GSE1: variants seen among roughly 807,000 people sequenced by gnomAD.
GSE1 encodes Gse1 coiled-coil protein.
GSE1 carries 32 observed loss-of-function variants against 112.6 expected under a neutral mutation model. The ratio of observed to expected loss-of-function variants is 0.28; its 90% confidence interval spans 0.21 to 0.38. The LOEUF is 0.38. Ranked by LOEUF, GSE1 falls within the 10% of genes least tolerant of loss-of-function variation. The pLI is 1.00. For missense variants in GSE1, 2,348 were observed against 1,699.2 expected (o/e 1.38, Z -6.71); for synonymous variants, 1,115 against 735.6 (o/e 1.52, Z -8.35).
At chr16:85,332,969 C>T (rs565867024) in intron 1 of GSE1, among the ~76,000 whole-genome samples, 17 of 152,252 alleles carry the variant, frequency 1.1e-4, no homozygotes, top group African/African-American at 4.1e-4. Flanking sequence ...CTGAACCCCC[C>T]TTGCTCCCAG....
At chr16:85,597,006 C>T (rs2047256804) in intron 1 of GSE1, among the ~76,000 whole-genome samples, 1 of 151,912 alleles carries the variant, frequency 6.6e-6, no homozygotes. Context: ...GAGATGAACT[C>T]TCCCTCTGTC....
intron 2 of GSE1, among the ~76,000 whole-genome samples, chr16:85,404,891 GC>G (rs1183136008): frequency 8.3e-5 from 3 of 36,256 alleles, no homozygotes; most frequent in Non-Finnish European, 1.0e-4. Flanking sequence ...TGCACTCAGG[GC>G]CCCCCGGATA....
Position 85,648,750 on chromosome 16 carries a change from A to C in GSE1, c.425A>C (p.Gln142Pro). The C allele has an allele frequency of 6.3e-7, 1 of 1,575,596 alleles. No homozygotes were observed. Among genetic ancestry groups the C allele is most frequent in the Non-Finnish European group, 8.6e-7 (1 of 1,160,474 alleles). Reference sequence around the variant, plus strand: ...GGTGTCTGGAGGAGTGAGAGCCGGCAGGTGAGTGGGGCGGGGCAGGGAGCC... The same window carrying C: ...GGTGTCTGGAGGAGTGAGAGCCGGCCGGTGAGTGGGGCGGGGCAGGGAGCC... ...VNGVWRSESRQDAGSRSSSGG... is the reference protein window; with the variant it reads ...VNGVWRSESRPDAGSRSSSGG... The change falls in exon 3 of 16, where the codon CAG (glutamine) becomes CCG (proline). Residue 142 changes from glutamine (Q) to proline (P), a missense_variant and splice_region_variant. Gln to Pro is a moderately conservative substitution (Grantham distance 76, BLOSUM62 -1). Coordinates refer to ENST00000253458, the MANE Select transcript of GSE1 (RefSeq NM_014615.5).
At chr16:85,197,802 T>A (rs960827709) in intron 1 of GSE1, among the ~76,000 whole-genome samples, 1 of 152,206 alleles carries the variant, frequency 6.6e-6, no homozygotes, top group Non-Finnish European at 1.5e-5. Context: ...CACGTTGTTA[T>A]AGCTGAGAAT....
At chr16:85,555,785 C>A, upstream of GSE1, 4 of 976,230 alleles carry the variant, frequency 4.1e-6, no homozygotes, top group Non-Finnish European at 4.9e-6. Flanking sequence ...GAGATTGCTA[C>A]TCGCACGTCC....
chr16:85,513,215 C>T lies in GSE1; in HGVS notation c.2465-120699C>T, dbSNP rs11866182. On this transcript the variant is annotated intron_variant, in intron 2 of 2. Coordinates refer to the GSE1 transcript ENST00000637419. The stretch of plus-strand genomic sequence containing the variant: ...CCCTCTCCCGGCTCAGAGATGGCAG[C>T]TGGGAGCATGAACCCAGACTCCAGC... Among the ~76,000 whole-genome samples the T allele has an allele frequency of 2.1e-3, 327 of 152,202 alleles. 2 individuals are homozygous for T. Among genetic ancestry groups the T allele is most frequent in the African/African-American group, 7.3e-3 (303 of 41,520 alleles).
chr16:85,192,292 G>C lies in GSE1; in HGVS notation c.2283+20485G>C, dbSNP rs137977481. Among the ~76,000 whole-genome samples, 186 of 152,358 alleles carry C rather than the reference G, an allele frequency of 1.2e-3. 2 individuals carry two copies. Among genetic ancestry groups the C allele is most frequent in the African/African-American group, 4.4e-3 (183 of 41,578 alleles). On this transcript the variant is annotated intron_variant, in intron 1 of 2. Coordinates refer to the GSE1 transcript ENST00000637419. ...ATCGGGGCTCTACCCCTTGCTAGCT[G>C]TGCGTTCTTGGGTCTGTTACTTAAC...
rs2047526188 is a variant in GSE1, at chr16:85,380,641, G to T, written c.2464+22998G>T. Among the ~76,000 whole-genome samples the T allele has an allele frequency of 1.3e-5, 2 of 152,148 alleles. 1 individual carries two copies. The highest frequency in any genetic ancestry group is 4.1e-4 in the South Asian group (2 of 4,822). ...GATCTGTGCTCTGCATTAGACGGTA[G>T]CTATTTGAAATCTTGACATCAACAA... On this transcript the variant is annotated intron_variant, in intron 2 of 2. Transcript: ENST00000637419.
chr16:85,674,625 G>A lies in GSE1; in HGVS notation c.*2086G>A, dbSNP rs2053582005. 6.6e-6 allele frequency: 1 copy of A among 152,218 alleles called. No homozygotes were observed. The highest frequency in any genetic ancestry group is 6.5e-5 in the Admixed American group (1 of 15,282). 9.4% of individuals were successfully genotyped at this position (152,218 alleles called of 1,614,324 possible). On this transcript the variant is annotated 3_prime_UTR_variant, in exon 16 of 16. Coordinates refer to ENST00000253458, the MANE Select transcript of GSE1 (RefSeq NM_014615.5). Reference sequence around the variant, plus strand: ...CCATCACAGATGTCTGGATGCTTTTGGAAATGGCCTTGGCTAAAGTAAAAG... The same window carrying A: ...CCATCACAGATGTCTGGATGCTTTTAGAAATGGCCTTGGCTAAAGTAAAAG...
intron 2 of GSE1, among the ~76,000 whole-genome samples, chr16:85,542,933 A>G (rs1216885600): frequency 6.6e-6 from 1 of 152,206 alleles, no homozygotes; most frequent in Non-Finnish European, 1.5e-5. Context: ...TGCCCTTAAG[A>G]ATGTCTCCTT....
intron 2 of GSE1, among the ~76,000 whole-genome samples, chr16:85,550,872 C>A (rs979520061): frequency 1.3e-5 from 2 of 152,212 alleles, no homozygotes; most frequent in Non-Finnish European, 2.9e-5. Flanking sequence ...GGCCGCATGC[C>A]GCCTCCTGGG....
At chr16:85,207,015 T>C (rs890962570) in intron 1 of GSE1, among the ~76,000 whole-genome samples, 7 of 152,166 alleles carry the variant, frequency 4.6e-5, no homozygotes, top group African/African-American at 1.4e-4. Flanking sequence ...CGCAGTGACA[T>C]GTTTATTCTC....
chr16:85,364,286 C>G (rs2047141648), intron 2 of GSE1, among the ~76,000 whole-genome samples: 1 of 152,220 alleles, frequency 6.6e-6, no homozygotes, highest in Admixed American at 6.5e-5. Context: ...TCCTCTTCTC[C>G]TGCCCCCCTC....
intron 2 of GSE1, among the ~76,000 whole-genome samples, chr16:85,367,042 C>T (rs1035162417): frequency 6.6e-5 from 10 of 152,208 alleles, no homozygotes; most frequent in Admixed American, 4.6e-4. Context: ...TGCCTTGGCC[C>T]GCCTGGCCAC....
At chr16:85,612,391 G>A (rs1279849960), upstream of GSE1, among the ~76,000 whole-genome samples, 2 of 152,002 alleles carry the variant, frequency 1.3e-5, no homozygotes, top group East Asian at 1.9e-4. Context: ...GGTAGGGTGG[G>A]GGGTGCCAGG....
At chr16:85,362,980 C>T (rs1170162337) in intron 2 of GSE1, among the ~76,000 whole-genome samples, 1 of 151,940 alleles carries the variant, frequency 6.6e-6, no homozygotes, top group Non-Finnish European at 1.5e-5. Flanking sequence ...GGATTACAGG[C>T]GTACTCCACC....
At chr16:85,208,717 G>A (rs1007396208) in intron 1 of GSE1, among the ~76,000 whole-genome samples, 1 of 150,780 alleles carries the variant, frequency 6.6e-6, no homozygotes, top group Non-Finnish European at 1.5e-5. Context: ...TCTTAGCTTA[G>A]CCTGGGCCGC....
Position 85,179,447 on chromosome 16 carries a change from A to G in GSE1, c.2283+7640A>G, listed in dbSNP as rs373500061. Among the ~76,000 whole-genome samples the G allele has an allele frequency of 4.6e-5, 7 of 152,224 alleles. No homozygotes were observed. The East Asian group carries it at 1.4e-3, about 29-fold the overall frequency. The stretch of plus-strand genomic sequence containing the variant: ...TTCTGCTTTTTGGCTCCTCTGAATC[A>G]TGCCACTGTGAACACGCATGGGCAA... On this transcript the variant is annotated intron_variant, in intron 1 of 2. Transcript: ENST00000637419.
At chr16:85,353,214 G>C (rs2046885118) in intron 1 of GSE1, among the ~76,000 whole-genome samples, 1 of 152,168 alleles carries the variant, frequency 6.6e-6, no homozygotes, top group Non-Finnish European at 1.5e-5. Context: ...GTCTCACCTG[G>C]GGACTCGACC....
Sources: gnomAD v4.1 joint callset for allele counts (sites outside exome capture counted in the v4.1 genomes callset) on GRCh38, gnomAD v4.1.1 for gene constraint, MANE v1.5 for transcripts, NCBI Gene and HGNC (gene_info 2026-07-23, HGNC 2026-07-21) for gene names.